Variants in ATP10A observed in about 807,000 individuals in gnomAD.
ATP10A encodes the protein ATPase phospholipid transporting 10A (putative).
Under a neutral mutation model 147.8 loss-of-function variants are expected in ATP10A, and 111 were observed. The observed-to-expected ratio is 0.75, with a 90% confidence interval of 0.64 to 0.88. The LOEUF is 0.88. Ranked by LOEUF, ATP10A falls within the 40% of genes least tolerant of loss-of-function variation. The pLI is 0.00. For missense variants in ATP10A, 1,927 were observed against 1,959.0 expected (o/e 0.98, Z 0.31); for synonymous variants, 875 against 841.6 (o/e 1.04, Z -0.69).
At chr15:25,766,996 T>G (rs1455310162) in intron 2 of ATP10A, among the ~76,000 whole-genome samples, 4 of 151,980 alleles carry the variant, frequency 2.6e-5, no homozygotes, top group Non-Finnish European at 5.9e-5. Context: ...CACTTTGCCC[T>G]GCCTGGTTTC....
chr15:25,796,008 T>A (rs968003231), intron 1 of ATP10A, among the ~76,000 whole-genome samples: 3 of 152,200 alleles, frequency 2.0e-5, no homozygotes, highest in South Asian at 4.1e-4. Context: ...TCTCACCAGA[T>A]GCAGATGCTG....
At chr15:25,783,261 C>T (rs1295838823) in intron 1 of ATP10A, among the ~76,000 whole-genome samples, 1 of 152,178 alleles carries the variant, frequency 6.6e-6, no homozygotes, top group Non-Finnish European at 1.5e-5. Flanking sequence ...CCATAACCAT[C>T]TTACTAATCC....
At chr15:25,696,063 C>T (rs1262576041) in intron 13 of ATP10A, among the ~76,000 whole-genome samples, 1 of 152,122 alleles carries the variant, frequency 6.6e-6, no homozygotes, top group African/African-American at 2.4e-5. Flanking sequence ...ACAGGAGGGA[C>T]CACCGTCTCC....
chr15:25,719,760 C>G (rs1270746449), intron 7 of ATP10A, among the ~76,000 whole-genome samples: 1 of 152,180 alleles, frequency 6.6e-6, no homozygotes, highest in Non-Finnish European at 1.5e-5. Context: ...ATGCCCCCTC[C>G]TGGGCATGCA....
chr15:25,839,936 C>T (rs945288702), intron 1 of ATP10A, among the ~76,000 whole-genome samples: 3 of 152,070 alleles, frequency 2.0e-5, no homozygotes, highest in Admixed American at 6.6e-5. Flanking sequence ...CGTGTGTGTG[C>T]GCATGTGCAT....
At chr15:25,801,850 C>G (rs1480513372) in intron 1 of ATP10A, among the ~76,000 whole-genome samples, 1 of 152,160 alleles carries the variant, frequency 6.6e-6, no homozygotes, top group Non-Finnish European at 1.5e-5. Flanking sequence ...TGTCCCTAAA[C>G]CTCCCCAGTT....
At chr15:25,860,817 G>T (rs1446976075) in intron 1 of ATP10A, among the ~76,000 whole-genome samples, 2 of 152,176 alleles carry the variant, frequency 1.3e-5, no homozygotes, top group Non-Finnish European at 2.9e-5. Context: ...TTACTATAAG[G>T]ATCGAATGAC....
intron 1 of ATP10A, among the ~76,000 whole-genome samples, chr15:25,792,334 G>A (rs1890464546): frequency 6.6e-6 from 1 of 152,186 alleles, no homozygotes; most frequent in African/African-American, 2.4e-5. Flanking sequence ...ACAGGGCCCT[G>A]GGCCAGCACA....
At chr15:25,815,620 ACC>A (rs891994962) in intron 1 of ATP10A, among the ~76,000 whole-genome samples, 1 of 12,466 alleles carries the variant, frequency 8.0e-5, no homozygotes, top group African/African-American at 2.1e-4. Context: ...CGCAACTGTT[ACC>A]CATCACACAG....
chr15:25,829,320 C>T (rs1892254409), intron 1 of ATP10A, among the ~76,000 whole-genome samples: 1 of 152,146 alleles, frequency 6.6e-6, no homozygotes, highest in Admixed American at 6.5e-5. Flanking sequence ...CAGAGCTTTG[C>T]ATCCATTTCC....
intron 1 of ATP10A, among the ~76,000 whole-genome samples, chr15:25,789,814 T>A (rs1225080723): frequency 6.6e-6 from 1 of 151,922 alleles, no homozygotes; most frequent in Non-Finnish European, 1.5e-5. Context: ...TGCACTTTGC[T>A]GAGCACCATC....
intron 12 of ATP10A, among the ~76,000 whole-genome samples, chr15:25,705,383 C>T (rs1474738388): frequency 3.4e-5 from 5 of 147,088 alleles, no homozygotes; most frequent in Non-Finnish European, 7.4e-5. Flanking sequence ...TCACAATGTG[C>T]TGTGATCGCA....
intron 4 of ATP10A, among the ~76,000 whole-genome samples, chr15:25,726,809 TG>T (rs543361056): frequency 8.7e-5 from 13 of 149,194 alleles, no homozygotes; most frequent in Admixed American, 8.0e-4. Flanking sequence ...CCCAGCACTT[TG>T]GGAGGCCAAG....
chr15:25,695,826 A>G (rs1167416935), intron 13 of ATP10A, among the ~76,000 whole-genome samples: 2 of 152,142 alleles, frequency 1.3e-5, no homozygotes, highest in Non-Finnish European at 2.9e-5. Flanking sequence ...CCCCCCAAGG[A>G]CTAACTGCAG....
At chr15:25,744,188 C>T (rs1321871787) in intron 2 of ATP10A, among the ~76,000 whole-genome samples, 1 of 152,138 alleles carries the variant, frequency 6.6e-6, no homozygotes, top group Non-Finnish European at 1.5e-5. Context: ...CTGCTGAGCT[C>T]CTTTTGTGCA....
intron 2 of ATP10A, among the ~76,000 whole-genome samples, chr15:25,764,830 T>G (rs952698827): frequency 6.6e-6 from 1 of 152,204 alleles, no homozygotes; most frequent in Non-Finnish European, 1.5e-5. Flanking sequence ...ACCTTCGGGT[T>G]TAGGAGTGCC....
intron 2 of ATP10A, among the ~76,000 whole-genome samples, chr15:25,767,922 T>G (rs1380385120): frequency 6.6e-6 from 1 of 152,148 alleles, no homozygotes; most frequent in Non-Finnish European, 1.5e-5. Context: ...CCAACCTGGA[T>G]GGGTGCATGG....
downstream of ATP10A, among the ~76,000 whole-genome samples, chr15:25,674,861 C>T (rs1459013718): frequency 6.6e-6 from 1 of 152,228 alleles, no homozygotes; most frequent in African/African-American, 2.4e-5. Flanking sequence ...CAGCCCGGGG[C>T]CTGGGGCCTC....
At chr15:25,726,145 G>T in intron 4 of ATP10A, 63 bp from the exon 5 acceptor site, 3 of 1,568,132 alleles carry the variant, frequency 1.9e-6, no homozygotes, top group Non-Finnish European at 1.7e-6. Flanking sequence ...CAGCTGCATG[G>T]ATGGCGTGGA....
Sources: gnomAD v4.1 joint callset for allele counts (sites outside exome capture counted in the v4.1 genomes callset) on GRCh38, gnomAD v4.1.1 for gene constraint, MANE v1.5 for transcripts, NCBI Gene and HGNC (gene_info 2026-07-23, HGNC 2026-07-21) for gene names.